UPP1: variants seen among roughly 807,000 people sequenced by gnomAD.
UPP1 encodes uridine phosphorylase 1, also known as UPase 1.
In UPP1, 25 loss-of-function variants were observed where a neutral mutation model predicts 29.6. That is an observed-to-expected ratio of 0.85 (90% CI 0.62 to 1.18). UPP1 has a LOEUF of 1.18. UPP1 is among the 50% of genes most tolerant of loss of function. The pLI is 0.00. For synonymous variants in UPP1, 165 were observed against 159.8 expected (o/e 1.03, Z -0.25); for missense variants, 368 against 410.4 (o/e 0.90, Z 0.89).
intron 2 of UPP1, among the ~76,000 whole-genome samples, chr7:48,091,308 A>C (rs2128807445): frequency 6.8e-6 from 1 of 147,172 alleles, no homozygotes; most frequent in Middle Eastern, 3.6e-3. Context: ...TTTTTTAAGT[A>C]AGATGGATCT....
At chr7:48,096,037 C>A (rs1190798748) in intron 3 of UPP1, among the ~76,000 whole-genome samples, 1 of 152,198 alleles carries the variant, frequency 6.6e-6, no homozygotes, top group Non-Finnish European at 1.5e-5. Context: ...TTCTGGAGCT[C>A]CCCTCCTTCC....
rs184978795 is a variant in UPP1, at chr7:48,091,314, G to T, written c.-22+950G>T. On this transcript the variant is annotated intron_variant, in intron 2 of 8. Transcript: ENST00000395564. ...TTTTTTTTTTTTTTTAAGTAAGATG[G>T]ATCTGGCTGGTAATAGGTAGAGAGC... 4.2e-4 allele frequency among the ~76,000 whole-genome samples: 62 copies of T among 147,520 alleles called. 1 individual carries two copies. The highest frequency in any genetic ancestry group is 1.4e-3 in the African/African-American group (57 of 39,684).
At position 48,106,668 on chromosome 7, in the gene UPP1, A is replaced by G. The variant is rs952296183; in HGVS notation, c.437-205A>G. 112 of 564,978 alleles carry G rather than the reference A, an allele frequency of 2.0e-4. 1 individual carries two copies. The East Asian group carries it at 3.4e-3, about 17-fold the overall frequency. 35.0% of individuals were successfully genotyped at this position (564,978 alleles called of 1,614,324 possible). Reference sequence around the variant, plus strand: ...ATAGTGTCCATAATGATCATGCATTAATTACTTTCATAGCTTAAAAAAAAG... The same window carrying G: ...ATAGTGTCCATAATGATCATGCATTGATTACTTTCATAGCTTAAAAAAAAG... On this transcript the variant is annotated intron_variant, in intron 6 of 8. Coordinates refer to ENST00000395564, the MANE Select transcript of UPP1 (RefSeq NM_003364.4).
Position 48,100,434 on chromosome 7 carries a change from G to A in UPP1, c.162+647G>A, listed in dbSNP as rs539870006. ...GAGAAAGATGTAAAAATTTCCTAGG[G>A]AAGCAAAGGATAGTAAATAAAGGTC... On this transcript the variant is annotated intron_variant, in intron 4 of 8. Coordinates refer to ENST00000395564, the MANE Select transcript of UPP1 (RefSeq NM_003364.4). Among the ~76,000 whole-genome samples the A allele has an allele frequency of 1.3e-3, 193 of 152,284 alleles. 5 individuals are homozygous for A. The South Asian group carries it at 0.033, about 26-fold the overall frequency.
Position 48,107,415 on chromosome 7 carries a change from C to T in UPP1, c.701C>T (p.Ala234Val), listed in dbSNP as rs541102906. Residue 234 changes from alanine to valine, a missense_variant, in exon 8 of 9, where the codon GCG (alanine) becomes GTG (valine). Coordinates refer to ENST00000395564, the MANE Select transcript of UPP1 (RefSeq NM_003364.4). ...LCSYTEKDKQ[A>V]YLEAAYAAGV... ...TCCTACACGGAGAAGGACAAGCAGG[C>T]GTATCTGGAGGCAGCCTATGCAGCC... 70 of 1,614,152 alleles carry T rather than the reference C, an allele frequency of 4.3e-5. No homozygotes were observed. The highest frequency in any genetic ancestry group is 1.3e-4 in the East Asian group (6 of 44,868).
chr7:48,107,495 T>TG lies in UPP1; in HGVS notation c.782dup (p.Cys261TrpfsTer67). 6.2e-7 allele frequency: 1 copy of TG among 1,609,074 alleles called. No homozygotes were observed. The highest frequency in any genetic ancestry group is 8.5e-7 in the Non-Finnish European group (1 of 1,176,230). On this transcript the variant is annotated frameshift_variant, in exon 8 of 9. Transcript: ENST00000395564. LOFTEE classifies it high-confidence loss of function. The stretch of plus-strand genomic sequence containing the variant: ...GGTGTTTGCCGCCATGTGCAGCGCC[T>TG]GCGGCCTCCAAGGTAAGCGGCACTT...
chr7:48,103,166 AT>A (rs1792525056), intron 5 of UPP1, 130 bp from the exon 6 acceptor site: 1 of 657,358 alleles, frequency 1.5e-6, no homozygotes, highest in Non-Finnish European at 2.7e-6. Flanking sequence ...TTAAATTTAT[AT>A]TTAAAAAGTT....
intron 4 of UPP1, among the ~76,000 whole-genome samples, chr7:48,101,246 T>C (rs1792405206): frequency 6.6e-6 from 1 of 152,188 alleles, no homozygotes. Context: ...AAAAAAATTT[T>C]TTTTTTCAAA....
At chr7:48,100,690 T>C (rs1337703105) in intron 4 of UPP1, among the ~76,000 whole-genome samples, 1 of 152,238 alleles carries the variant, frequency 6.6e-6, no homozygotes, top group Non-Finnish European at 1.5e-5. Flanking sequence ...CCAGTGCTGC[T>C]ACATGGGATC....
rs867028523 is a variant in UPP1 at position 48,106,673 on chromosome 7, C to T, written c.437-200C>T. On this transcript the variant is annotated intron_variant, in intron 6 of 8. Coordinates refer to ENST00000395564, the MANE Select transcript of UPP1 (RefSeq NM_003364.4). Reference sequence around the variant, plus strand: ...GTCCATAATGATCATGCATTAATTACTTTCATAGCTTAAAAAAAAGTTGAA... The same window carrying T: ...GTCCATAATGATCATGCATTAATTATTTTCATAGCTTAAAAAAAAGTTGAA... 29 of 573,968 alleles carry T rather than the reference C, an allele frequency of 5.1e-5. No homozygotes were observed. In the African/African-American group the frequency reaches 5.1e-4, roughly 10 times the overall value. The allele number at this position is 573,968 out of a possible 1,614,324, so 35.6% of individuals were successfully genotyped here. A position where few individuals can be genotyped will look rare whatever the true frequency, so the allele number is the denominator to read the frequency against.
intron 5 of UPP1, among the ~76,000 whole-genome samples, chr7:48,102,434 CTT>C (rs1792478229): frequency 6.6e-6 from 1 of 152,164 alleles, no homozygotes. Context: ...CCATAGAAGT[CTT>C]TTCATTTTTC....
At chr7:48,102,994 TAGA>T (rs1371288670) in intron 5 of UPP1, among the ~76,000 whole-genome samples, 1 of 152,188 alleles carries the variant, frequency 6.6e-6, no homozygotes, top group African/African-American at 2.4e-5. Context: ...CTTCAAATGC[TAGA>T]AGGAGCTGTT....
intron 6 of UPP1, 133 bp downstream of exon 6, chr7:48,103,544 CAGG>C: frequency 5.4e-6 from 5 of 918,790 alleles, no homozygotes; most frequent in South Asian, 3.0e-5. Context: ...AGCTTGTTAA[CAGG>C]AGGTGTGAAA....
rs1362852501 is a variant in UPP1, at chr7:48,099,721, T to C, written c.96T>C (p.Asp32=). The part of the protein sequence containing the change: ...LNPNIAKMKE[D]ILYHFNLTTS... The stretch of plus-strand genomic sequence containing the variant: ...CAAACATAGCAAAAATGAAAGAAGA[T>C]ATTCTCTATCATTTCAATCTCACCA... The change falls in exon 4 of 9, where the codon GAT becomes GAC. Residue 32 remains aspartate, a synonymous_variant. Coordinates refer to ENST00000395564, the MANE Select transcript of UPP1 (RefSeq NM_003364.4). 3.7e-6 allele frequency: 6 copies of C among 1,613,914 alleles called. No homozygotes were observed. Among genetic ancestry groups the C allele is most frequent in the Non-Finnish European group, 5.1e-6 (6 of 1,179,912 alleles).
intron 6 of UPP1, chr7:48,103,784 A>AT (rs773510441): frequency 1.5e-6 from 2 of 1,291,490 alleles, no homozygotes; most frequent in East Asian, 1.1e-4. Flanking sequence ...TCCTGCAGGG[A>AT]TTTTGAAGCA....
intron 4 of UPP1, 39 bp downstream of exon 4, chr7:48,099,826 A>C (rs764760096): frequency 1.5e-6 from 2 of 1,351,910 alleles, no homozygotes; most frequent in Non-Finnish European, 2.1e-6. Context: ...ATTTGCCTTA[A>C]GATCAACCTC....
At chr7:48,099,376 A>G (rs937442455) in intron 3 of UPP1, among the ~76,000 whole-genome samples, 1 of 152,224 alleles carries the variant, frequency 6.6e-6, no homozygotes, top group East Asian at 1.9e-4. Context: ...TACTCCTTGT[A>G]TGGGTAGATC....
chr7:48,091,685 C>T (rs1022853192), intron 2 of UPP1, among the ~76,000 whole-genome samples: 1 of 152,172 alleles, frequency 6.6e-6, no homozygotes, highest in East Asian at 1.9e-4. Flanking sequence ...TAAATAGACC[C>T]TCCCTGAGTG....
chr7:48,103,285 C>T lies in UPP1; in HGVS notation c.322-12C>T. 1 of 1,610,622 alleles carries T rather than the reference C, an allele frequency of 6.2e-7. No individual in the cohort carries two copies. Among genetic ancestry groups the T allele is most frequent in the Non-Finnish European group, 8.5e-7 (1 of 1,176,868 alleles). Reference sequence around the variant, plus strand: ...ACCTTGGCTTAACATGGGTGTTTCTCCCTGGTTCCAGCATGGTATGGGCAT... The same window carrying T: ...ACCTTGGCTTAACATGGGTGTTTCTTCCTGGTTCCAGCATGGTATGGGCAT... On this transcript the variant is annotated splice_polypyrimidine_tract_variant and intron_variant, in intron 5 of 8. Coordinates refer to ENST00000395564, the MANE Select transcript of UPP1 (RefSeq NM_003364.4).
Sources: allele counts gnomAD v4.1 joint callset (sites outside exome capture counted in the v4.1 genomes callset), GRCh38; gene constraint gnomAD v4.1.1; transcripts MANE v1.5; gene names NCBI Gene and HGNC (gene_info 2026-07-23, HGNC 2026-07-21).